The following PARD3B variants were observed in gnomAD, a reference collection of about 807,000 sequenced individuals.
PARD3B encodes the protein par-3 family cell polarity regulator beta.
A neutral mutation model predicts 130.2 loss-of-function variants in PARD3B; 103 were observed. That is an observed-to-expected ratio of 0.79 (90% CI 0.67 to 0.93). The LOEUF (loss-of-function observed/expected upper bound fraction) is 0.93. Among genes scored for constraint, PARD3B ranks in the 40% least tolerant of loss-of-function variants. The probability of loss-of-function intolerance (pLI) is 0.00; values close to 1 mark genes in which losing one functional copy is unlikely to be tolerated. For synonymous variants in PARD3B, 583 were observed against 553.2 expected, an observed-to-expected ratio of 1.05 and a Z score of -0.76; for missense variants, 1,609 against 1,499.2, an observed-to-expected ratio of 1.07 and a Z score of -1.21.
chr2:205,318,824 C>G (rs956266263), intron 18 of PARD3B, among the ~76,000 whole-genome samples: 1 of 152,136 alleles, frequency 6.6e-6, no homozygotes, highest in Non-Finnish European at 1.5e-5. Flanking sequence ...CACCCAGCAT[C>G]TTAGTGTCAA....
chr2:205,502,331 A>G (rs1356061388), intron 21 of PARD3B, among the ~76,000 whole-genome samples: 1 of 152,186 alleles, frequency 6.6e-6, no homozygotes, highest in Non-Finnish European at 1.5e-5. Flanking sequence ...GCAGGTCTTT[A>G]GCATCATCAC....
intron 19 of PARD3B, among the ~76,000 whole-genome samples, chr2:205,403,214 C>T (rs752968144): frequency 2.0e-5 from 3 of 152,168 alleles, no homozygotes; most frequent in Non-Finnish European, 4.4e-5. Context: ...CTTGTCTCAT[C>T]CTGTCATAGG....
At chr2:204,753,008 T>C (rs922994739) in intron 2 of PARD3B, among the ~76,000 whole-genome samples, 3 of 152,194 alleles carry the variant, frequency 2.0e-5, no homozygotes, top group African/African-American at 7.2e-5. Context: ...AAATGACATC[T>C]TTTCAAAATT....
At chr2:205,126,752 C>CAAAAAAAAAAAAAAAAAAAAAAAA (rs4045004) in intron 10 of PARD3B, among the ~76,000 whole-genome samples, 3 of 74,452 alleles carry the variant, frequency 4.0e-5, no homozygotes, top group Non-Finnish European at 6.7e-5. Flanking sequence ...GACTCCGTCT[C>CAAAAAAAAAAAAAAAAAAAAAAAA]AAAAAAAAAA....
At chr2:205,002,600 A>G (rs1485114870) in intron 3 of PARD3B, among the ~76,000 whole-genome samples, 2 of 152,102 alleles carry the variant, frequency 1.3e-5, no homozygotes, top group African/African-American at 2.4e-5. Context: ...ACAGCTCCAG[A>G]GCAGCCTCCA....
chr2:204,971,305 A>G (rs1691678452), intron 3 of PARD3B, among the ~76,000 whole-genome samples: 1 of 152,156 alleles, frequency 6.6e-6, no homozygotes, highest in Non-Finnish European at 1.5e-5. Flanking sequence ...CTGATCCTAG[A>G]CAAACACACT....
chr2:205,434,127 T>C (rs1336301862), intron 19 of PARD3B, among the ~76,000 whole-genome samples: 1 of 152,222 alleles, frequency 6.6e-6, no homozygotes, highest in East Asian at 1.9e-4. Flanking sequence ...CAGCAGTGTG[T>C]GAATGTTCTG....
chr2:205,166,382 G>T (rs1046985046), intron 11 of PARD3B, among the ~76,000 whole-genome samples: 7 of 152,054 alleles, frequency 4.6e-5, no homozygotes, highest in Non-Finnish European at 1.0e-4. Flanking sequence ...AGGGCATTTT[G>T]GGTAGAAGAA....
At chr2:204,985,539 C>T (rs1199584467) in intron 3 of PARD3B, among the ~76,000 whole-genome samples, 1 of 152,074 alleles carries the variant, frequency 6.6e-6, no homozygotes, top group Non-Finnish European at 1.5e-5. Flanking sequence ...TGCCATGCAC[C>T]ACACACATGA....
intron 18 of PARD3B, among the ~76,000 whole-genome samples, chr2:205,303,180 A>G (rs1483903976): frequency 6.6e-6 from 1 of 152,196 alleles, no homozygotes; most frequent in Non-Finnish European, 1.5e-5. Context: ...AACCACAAGG[A>G]GCATCCTATG....
chr2:204,813,257 T>C (rs2043027433), intron 2 of PARD3B, among the ~76,000 whole-genome samples: 1 of 152,192 alleles, frequency 6.6e-6, no homozygotes. Flanking sequence ...AGTTGTGGGT[T>C]ATGATTTGCA....
intron 2 of PARD3B, among the ~76,000 whole-genome samples, chr2:204,721,412 G>A (rs780989642): frequency 6.6e-6 from 1 of 152,096 alleles, no homozygotes. Flanking sequence ...GAGGCTGGAG[G>A]GGCTCTTTTA....
rs1217858534 is a variant in PARD3B at position 204,953,418 on chromosome 2, CACAGAG to C, written c.223-11732_223-11727del. On this transcript the variant is annotated intron_variant, in intron 2 of 22. Transcript: ENST00000406610. The stretch of plus-strand genomic sequence containing the variant: ...ACATATATATGTTAACATACACACA[CACAGAG>C]AGAGAGAGAGAGAGAGAGAGAGAGA... Among the ~76,000 whole-genome samples, 116 of 117,514 alleles carry C rather than the reference CACAGAG, an allele frequency of 9.9e-4. 1 individual carries two copies. The highest frequency in any genetic ancestry group is 4.8e-3 in the Middle Eastern group (1 of 210). 77.1% of individuals were successfully genotyped at this position (117,514 alleles called of 152,430 possible).
rs761395029 is a variant in PARD3B, at chr2:204,739,938, C to CT, written c.222+53656_222+53657insT. Among the ~76,000 whole-genome samples the CT allele has an allele frequency of 2.7e-4, 41 of 151,706 alleles. 1 individual carries two copies. The South Asian group carries it at 8.5e-3, about 32-fold the overall frequency. On this transcript the variant is annotated intron_variant, in intron 2 of 22. Coordinates refer to ENST00000406610, the MANE Select transcript of PARD3B (RefSeq NM_001302769.2). ...ATTTTTAAAAGAAATATACAATGCC[C>CT]CTTTTTTTTTTGTATTAGTTTCAAA...
rs200574597 is a variant in PARD3B at position 204,905,588 on chromosome 2, ATGAGTTTTTCCCTCT to A, written c.223-59548_223-59534del. 4.1e-3 allele frequency among the ~76,000 whole-genome samples: 627 copies of A among 152,294 alleles called. 2 individuals carry two copies. The highest frequency in any genetic ancestry group is 0.014 in the African/African-American group (598 of 41,556). Reference sequence around the variant, plus strand: ...GGATGTATTAATACTTAAAAAAATGATGAGTTTTTCCCTCTTGAGTTTTTCCCTCTGGAATGACCT... The same window carrying A: ...GGATGTATTAATACTTAAAAAAATGATGAGTTTTTCCCTCTGGAATGACCT... On this transcript the variant is annotated intron_variant, in intron 2 of 22. Transcript: ENST00000406610.
At chr2:204,573,456 C>A (rs192624515) in intron 1 of PARD3B, among the ~76,000 whole-genome samples, 1 of 152,246 alleles carries the variant, frequency 6.6e-6, no homozygotes, top group African/African-American at 2.4e-5. Context: ...GCAGTGATGT[C>A]ATTGAGACTT....
intron 22 of PARD3B, among the ~76,000 whole-genome samples, chr2:205,577,253 G>A (rs1488440993): frequency 6.6e-6 from 1 of 151,122 alleles, no homozygotes; most frequent in Non-Finnish European, 1.5e-5. Flanking sequence ...AATGAAGACA[G>A]TTTTTTTTTC....
intron 16 of PARD3B, among the ~76,000 whole-genome samples, chr2:205,296,754 G>A (rs958373189): frequency 4.7e-5 from 7 of 150,240 alleles, no homozygotes; most frequent in South Asian, 2.1e-4. Context: ...GGGATGTATC[G>A]GAGGATTGAT....
In PARD3B at chr2:205,341,078, CAAAAAAATAAAAAAT is replaced by C. The variant is rs1436159598; in HGVS notation, c.2630+39393_2630+39407del. Among the ~76,000 whole-genome samples, 7 of 150,790 alleles carry C rather than the reference CAAAAAAATAAAAAAT, an allele frequency of 4.6e-5. No homozygotes were observed. The highest frequency in any genetic ancestry group is 7.3e-5 in the African/African-American group (3 of 41,042). On this transcript the variant is annotated intron_variant, in intron 18 of 22. Transcript: ENST00000406610. The surrounding 1 kb of genome is among the most constrained non-coding windows in gnomAD (Gnocchi z 4.3). ...TTATCCGAGTTTGAATGGCTATGAT[CAAAAAAATAAAAAAT>C]AAAAAAATAAAAAATGCTAAAGAAA...
Sources: gnomAD v4.1 joint callset for allele counts (sites outside exome capture counted in the v4.1 genomes callset) on GRCh38, gnomAD v4.1.1 for gene constraint, Gnocchi (gnomAD v3.1) non-coding constraint, MANE v1.5 for transcripts, NCBI Gene and HGNC (gene_info 2026-07-23, HGNC 2026-07-21) for gene names.